Variants in SLC9A1 observed in about 807,000 individuals in gnomAD.
SLC9A1 encodes the protein solute carrier family 9 member A1, also known as sodium/hydrogen exchanger 1.
Under a neutral mutation model 67.9 loss-of-function variants are expected in SLC9A1, and 22 were observed. That is an observed-to-expected ratio of 0.32 (90% CI 0.23 to 0.46). The LOEUF (loss-of-function observed/expected upper bound fraction) is 0.46, where lower values mean the gene tolerates loss of function less well. Among genes scored for constraint, SLC9A1 ranks in the 20% least tolerant of loss-of-function variants. The pLI, the probability that SLC9A1 is intolerant of heterozygous loss-of-function variation, is 1.00. For synonymous variants in SLC9A1, 421 were observed against 471.8 expected (o/e 0.89, Z 1.40); for missense variants, 686 against 1,094.8 (o/e 0.63, Z 5.27).
rs372460522 is a variant in SLC9A1, at chr1:27,102,669, C to T, written c.1646+4G>A. ...CCTGCCTGCCCACCAGGCCTGCCAC[C>T]TACTTGTCCTTCCAGTGGTGGTGAC... On this transcript the variant is annotated splice_donor_region_variant and intron_variant, in intron 7 of 11. Coordinates refer to ENST00000263980, the MANE Select transcript of SLC9A1 (RefSeq NM_003047.5). 1.8e-5 allele frequency: 29 copies of T among 1,613,810 alleles called. No homozygotes were observed. In the African/African-American group the frequency reaches 3.5e-4, roughly 19 times the overall value.
At chr1:27,102,834 A>G (rs574380751) in intron 6 of SLC9A1, 91 bp from the exon 7 acceptor site, 38 of 1,167,418 alleles carry the variant, frequency 3.3e-5, no homozygotes, top group Admixed American at 1.6e-4. Flanking sequence ...CCGTAGCTGC[A>G]GCCCTGCTGG....
intron 8 of SLC9A1, 53 bp from the exon 9 acceptor site, chr1:27,102,183 C>T (rs926028101): frequency 1.3e-6 from 2 of 1,507,716 alleles, no homozygotes; most frequent in Middle Eastern, 3.4e-4. Context: ...ATCCTGGTGC[C>T]TCCCAGGTTT....
In SLC9A1 at chr1:27,106,086, C is replaced by G. The variant is rs1419375825; in HGVS notation, c.1284G>C (p.Gly428=). ...LLFCLIARVL[G]VLGLTWFINK... ...TGATGAACCAGGTCAGGCCCAGCACCCCTGCAGGGGAAGGCAGGGGGTGAT... is the reference window on the plus strand; with the variant it reads ...TGATGAACCAGGTCAGGCCCAGCACGCCTGCAGGGGAAGGCAGGGGGTGAT... Residue 428 remains glycine, a splice_region_variant and synonymous_variant, in exon 5 of 12, where the codon GGG becomes GGC. Transcript: ENST00000263980. The surrounding 1 kb of genome is among the most constrained non-coding windows in gnomAD (Gnocchi z 4.3). 1 of 1,610,106 alleles carries G rather than the reference C, an allele frequency of 6.2e-7. No individual in the cohort carries two copies. The highest frequency in any genetic ancestry group is 1.7e-5 in the Admixed American group (1 of 59,956).
rs769670526 is a variant in SLC9A1 at position 27,102,755 on chromosome 1, C to A, written c.1576-12G>T. On this transcript the variant is annotated splice_polypyrimidine_tract_variant and intron_variant, in intron 6 of 11. Coordinates refer to ENST00000263980, the MANE Select transcript of SLC9A1 (RefSeq NM_003047.5). ...AGGTGGTCCAGGAACTGAAAGGGGC[C>A]CAGGGCCAAGTCAAGCCTCGCTGTG... is the stretch of plus-strand genomic sequence containing the variant. The A allele has an allele frequency of 1.2e-6, 2 of 1,612,686 alleles. No homozygotes were observed. Among genetic ancestry groups the A allele is most frequent in the Non-Finnish European group, 1.7e-6 (2 of 1,179,582 alleles).
At chr1:27,117,751 C>A (rs1234165771) in intron 1 of SLC9A1, among the ~76,000 whole-genome samples, 1 of 152,204 alleles carries the variant, frequency 6.6e-6, no homozygotes, top group Non-Finnish European at 1.5e-5. Flanking sequence ...TGAGGCTCAG[C>A]AAGGTTATGC....
chr1:27,142,252 G>T (rs1214306546), intron 1 of SLC9A1, among the ~76,000 whole-genome samples: 1 of 152,222 alleles, frequency 6.6e-6, no homozygotes, highest in Non-Finnish European at 1.5e-5. Context: ...AACAGAGCAG[G>T]GAAGAAGACT....
At chr1:27,140,255 C>T (rs542470742) in intron 1 of SLC9A1, among the ~76,000 whole-genome samples, 1 of 152,122 alleles carries the variant, frequency 6.6e-6, no homozygotes, top group African/African-American at 2.4e-5. Context: ...CCAGCCTCTC[C>T]CTTGAGGCTG....
chr1:27,133,890 G>A (rs1333567214), intron 1 of SLC9A1, among the ~76,000 whole-genome samples: 3 of 151,470 alleles, frequency 2.0e-5, no homozygotes, highest in East Asian at 3.9e-4. Flanking sequence ...GCAGCCTCCC[G>A]AGTAGCTGGA....
intron 2 of SLC9A1, among the ~76,000 whole-genome samples, chr1:27,113,016 A>G (rs961532334): frequency 4.6e-5 from 7 of 152,186 alleles, no homozygotes; most frequent in Middle Eastern, 3.4e-3. Flanking sequence ...CCCTTTCCAT[A>G]ATCTCCGCCC....
At chr1:27,108,577 T>C (rs975946183) in intron 3 of SLC9A1, among the ~76,000 whole-genome samples, 5 of 151,808 alleles carry the variant, frequency 3.3e-5, no homozygotes, top group African/African-American at 9.7e-5. Flanking sequence ...AATTGAGAGG[T>C]TGAAGTGGGA....
In SLC9A1 at chr1:27,114,032, A is replaced by G; in HGVS notation, c.607T>C (p.Phe203Leu). 1 of 1,614,126 alleles carries G rather than the reference A, an allele frequency of 6.2e-7. No homozygotes were observed. Among genetic ancestry groups the G allele is most frequent in the Non-Finnish European group, 8.5e-7 (1 of 1,180,032 alleles). ...AVVGTLWNAF[F>L]LGGLMYAVCL... ...ACGGCGTACATGAGGCCGCCCAGGA[A>G]GAAGGCGTTCCACAGCGTGCCCACC... Residue 203 changes from phenylalanine (F) to leucine (L), a missense_variant, in exon 2 of 12, where the codon TTC becomes CTC. Transcript: ENST00000263980. This position sits in a 1 kb window ranked among gnomAD's most constrained non-coding sequence, Gnocchi z 5.4.
At chr1:27,136,490 G>A (rs1292127329) in intron 1 of SLC9A1, among the ~76,000 whole-genome samples, 2 of 152,080 alleles carry the variant, frequency 1.3e-5, no homozygotes, top group Non-Finnish European at 2.9e-5. Context: ...GTCAGACCCT[G>A]CCAGTCACCC....
At chr1:27,115,473 T>C (rs2083258236) in intron 1 of SLC9A1, among the ~76,000 whole-genome samples, 1 of 152,108 alleles carries the variant, frequency 6.6e-6, no homozygotes, top group Non-Finnish European at 1.5e-5. Flanking sequence ...GGTACTATGC[T>C]CCCAGGGTTG....
intron 1 of SLC9A1, among the ~76,000 whole-genome samples, chr1:27,119,477 C>T (rs1039799911): frequency 2.0e-5 from 3 of 152,166 alleles, no homozygotes; most frequent in African/African-American, 7.2e-5. Flanking sequence ...ACAATGATTC[C>T]ATTTCTTTAA....
intron 1 of SLC9A1, among the ~76,000 whole-genome samples, chr1:27,123,226 G>A (rs1309799374): frequency 6.6e-6 from 1 of 152,100 alleles, no homozygotes; most frequent in Non-Finnish European, 1.5e-5. Flanking sequence ...AAGTGTTTAA[G>A]TATAAGGAAA....
rs2083186349 is a variant in SLC9A1, at chr1:27,106,597, C to T, written c.1283-510G>A. Among the ~76,000 whole-genome samples, 2 of 152,096 alleles carry T rather than the reference C, an allele frequency of 1.3e-5. No homozygotes were observed. ...CAAATAAATGTGAGGTCCTGCCAGG[C>T]TTGGGGACATGGACCTAACCCTCAG... On this transcript the variant is annotated intron_variant, in intron 4 of 11. Coordinates refer to ENST00000263980, the MANE Select transcript of SLC9A1 (RefSeq NM_003047.5). The surrounding 1 kb of genome is among the most constrained non-coding windows in gnomAD (Gnocchi z 4.3).
chr1:27,127,212 G>T (rs982968703), intron 1 of SLC9A1, among the ~76,000 whole-genome samples: 2 of 152,172 alleles, frequency 1.3e-5, no homozygotes, highest in Non-Finnish European at 2.9e-5. Flanking sequence ...ATGTTGCCCA[G>T]GCTGGTCTCA....
chr1:27,100,410 G>A lies in SLC9A1; in HGVS notation c.2345C>T (p.Pro782Leu). 1 of 1,606,946 alleles carries A rather than the reference G, an allele frequency of 6.2e-7. No individual in the cohort carries two copies. The highest frequency in any genetic ancestry group is 8.5e-7 in the Non-Finnish European group (1 of 1,176,114). Residue 782 changes from proline (P) to leucine (L), a missense_variant, in exon 12 of 12, where the codon CCC (proline) becomes CTC (leucine). Pro to Leu is a moderately conservative substitution (Grantham distance 98). Coordinates refer to ENST00000263980, the MANE Select transcript of SLC9A1 (RefSeq NM_003047.5). The surrounding 1 kb of genome is among the most constrained non-coding windows in gnomAD (Gnocchi z 5.6). ...CCTCTGGGAGCTGGGGCTGTCACTG[G>A]GCGCGGGGGTGAAGACATCGTCGGT... Reference protein sequence around the residue: ...PGTDDVFTPAPSDSPSSQRIQ... With the variant: ...PGTDDVFTPALSDSPSSQRIQ...
intron 1 of SLC9A1, among the ~76,000 whole-genome samples, chr1:27,120,318 G>T (rs901277966): frequency 1.3e-5 from 2 of 151,706 alleles, no homozygotes; most frequent in African/African-American, 4.8e-5. Flanking sequence ...TAGAGGAGGG[G>T]TTTCGCCATG....
Sources: allele counts gnomAD v4.1 joint callset (sites outside exome capture counted in the v4.1 genomes callset), GRCh38; gene constraint gnomAD v4.1.1; non-coding constraint Gnocchi (gnomAD v3.1); transcripts MANE v1.5; gene names NCBI Gene and HGNC (gene_info 2026-07-23, HGNC 2026-07-21).